The following NRXN3 variants were observed in gnomAD, a reference collection of about 807,000 sequenced individuals.
NRXN3 encodes the protein neurexin 3, also known as neurexin III.
NRXN3 carries 32 observed loss-of-function variants against 137.6 expected under a neutral mutation model. The observed-to-expected ratio is 0.23, with a 90% CI of 0.18 to 0.31. The LOEUF is 0.31. Among genes scored for constraint, NRXN3 ranks in the 10% least tolerant of loss-of-function variants. NRXN3 has a pLI of 1.00. For missense variants in NRXN3, 1,574 were observed against 2,062.5 expected (o/e 0.76, Z 4.59); for synonymous variants, 798 against 784.5 (o/e 1.02, Z -0.29).
At chr14:78,697,543 T>C (rs1428569418) in intron 6 of NRXN3, among the ~76,000 whole-genome samples, 1 of 151,954 alleles carries the variant, frequency 6.6e-6, no homozygotes, top group Admixed American at 6.6e-5. Flanking sequence ...TGATTTTGCA[T>C]GGCATAAGGG....
rs138165755 is a variant in NRXN3 at position 78,443,358 on chromosome 14, T to C, written c.757+145498T>C. On this transcript the variant is annotated intron_variant, in intron 4 of 20. Transcript: ENST00000335750. ...GAACCTCTGTGCTTGCATGTGGGCA[T>C]GTACACACATGCACTGTGCGCTCTG... is the stretch of plus-strand genomic sequence containing the variant. 3.0e-4 allele frequency among the ~76,000 whole-genome samples: 45 copies of C among 152,342 alleles called. No homozygotes were observed. In the East Asian group the frequency reaches 7.9e-3, roughly 27 times the overall value.
At position 78,735,183 on chromosome 14, in the gene NRXN3, C is replaced by G. The variant is rs571005914; in HGVS notation, c.2044+20044C>G. 1.1e-4 allele frequency among the ~76,000 whole-genome samples: 17 copies of G among 152,244 alleles called. No homozygotes were observed. In the East Asian group the frequency reaches 3.3e-3, roughly 29 times the overall value. The stretch of plus-strand genomic sequence containing the variant: ...TAGCACTTGAGATGTCAAAGAAAAA[C>G]AAATCAGGACTTAGTAAGAAGAGAT... On this transcript the variant is annotated intron_variant, in intron 8 of 20. Coordinates refer to ENST00000335750, the MANE Select transcript of NRXN3 (RefSeq NM_001330195.2).
At chr14:79,825,253 G>A (rs922610902) in intron 20 of NRXN3, among the ~76,000 whole-genome samples, 4 of 120,440 alleles carry the variant, frequency 3.3e-5, no homozygotes, top group African/African-American at 1.3e-4. Flanking sequence ...CAAATTATAT[G>A]TGGATTTTCT....
At chr14:78,487,766 A>C (rs2095588930) in intron 4 of NRXN3, among the ~76,000 whole-genome samples, 2 of 151,300 alleles carry the variant, frequency 1.3e-5, no homozygotes, top group Admixed American at 1.3e-4. Flanking sequence ...TAAATAAATA[A>C]ATAAATAAAT....
intron 10 of NRXN3, among the ~76,000 whole-genome samples, chr14:78,819,316 A>C (rs1325962712): frequency 1.3e-5 from 2 of 152,218 alleles, no homozygotes; most frequent in South Asian, 2.1e-4. Flanking sequence ...TGCAGATTCA[A>C]CTAACAAAAA....
At chr14:79,107,678 A>G (rs889527977) in intron 15 of NRXN3, among the ~76,000 whole-genome samples, 2 of 152,126 alleles carry the variant, frequency 1.3e-5, no homozygotes, top group African/African-American at 2.4e-5. Context: ...AACATTTGCC[A>G]GTGGTTCTTG....
At position 79,067,324 on chromosome 14, in the gene NRXN3, C is replaced by T. The variant is rs368957644; in HGVS notation, c.3262+79183C>T. On this transcript the variant is annotated intron_variant, in intron 15 of 20. Transcript: ENST00000335750. Reference sequence around the variant, plus strand: ...ATCCCAGTGATGAAGCCAACTTGATCGTGGTGGATAAGCTTTTTGATGTGC... The same window carrying T: ...ATCCCAGTGATGAAGCCAACTTGATTGTGGTGGATAAGCTTTTTGATGTGC... Among the ~76,000 whole-genome samples the T allele has an allele frequency of 3.4e-4, 51 of 152,208 alleles. No homozygotes were observed. The East Asian group carries it at 6.9e-3, about 21-fold the overall frequency.
At chr14:78,239,571 A>G (rs1372143947) in intron 1 of NRXN3, among the ~76,000 whole-genome samples, 1 of 151,820 alleles carries the variant, frequency 6.6e-6, no homozygotes, top group African/African-American at 2.4e-5. Context: ...AACAGCACCT[A>G]CCTCCTGCTG....
intron 4 of NRXN3, among the ~76,000 whole-genome samples, chr14:78,565,081 A>T (rs1361071150): frequency 6.6e-6 from 1 of 152,224 alleles, no homozygotes; most frequent in Non-Finnish European, 1.5e-5. Context: ...TGATAGGGAT[A>T]ACTGTGCCCT....
At chr14:79,552,753 T>C (rs1028431326) in intron 16 of NRXN3, among the ~76,000 whole-genome samples, 2 of 152,056 alleles carry the variant, frequency 1.3e-5, no homozygotes, top group African/African-American at 2.4e-5. Flanking sequence ...TGACAAGCTA[T>C]AGGAAAGTGA....
At chr14:78,206,461 G>A (rs1203499014) in intron 1 of NRXN3, among the ~76,000 whole-genome samples, 1 of 152,142 alleles carries the variant, frequency 6.6e-6, no homozygotes. Flanking sequence ...AGGGGGACCT[G>A]AGTGGGGAAG....
intron 19 of NRXN3, among the ~76,000 whole-genome samples, chr14:79,703,811 C>A (rs747164453): frequency 6.6e-6 from 1 of 152,072 alleles, no homozygotes; most frequent in Non-Finnish European, 1.5e-5. Context: ...GTACCTTTCC[C>A]GTAGGCTCCT....
chr14:78,614,800 C>G (rs1160379415), intron 4 of NRXN3: 1 of 354,754 alleles, frequency 2.8e-6, no homozygotes, highest in East Asian at 7.4e-5. Context: ...AAGGCACTCC[C>G]TACAGCAAAT....
intron 15 of NRXN3, among the ~76,000 whole-genome samples, chr14:79,139,812 A>T (rs1336251316): frequency 1.3e-5 from 2 of 151,924 alleles, no homozygotes; most frequent in Non-Finnish European, 2.9e-5. Context: ...ATTTCAAGTC[A>T]TAATCTGAAT....
chr14:78,234,779 A>G (rs886131094), intron 1 of NRXN3, among the ~76,000 whole-genome samples: 2 of 151,256 alleles, frequency 1.3e-5, no homozygotes, highest in Admixed American at 1.3e-4. Context: ...TATGTCTGGA[A>G]CATGGGTGCT....
intron 10 of NRXN3, among the ~76,000 whole-genome samples, chr14:78,911,120 C>G (rs778055049): frequency 6.6e-6 from 1 of 152,106 alleles, no homozygotes; most frequent in Admixed American, 6.6e-5. Flanking sequence ...ACATATGAAG[C>G]ACTTATAAAT....
At chr14:78,986,115 T>C (rs570341596) in intron 14 of NRXN3, among the ~76,000 whole-genome samples, 5 of 152,324 alleles carry the variant, frequency 3.3e-5, no homozygotes, top group African/African-American at 1.2e-4. Context: ...CTTTTGAACA[T>C]GCGTCTTTAG....
intron 15 of NRXN3, among the ~76,000 whole-genome samples, chr14:79,034,257 CT>C (rs1472532928): frequency 6.6e-6 from 1 of 151,530 alleles, no homozygotes; most frequent in African/African-American, 2.4e-5. Context: ...AAAATAGAAA[CT>C]TTTTAATAGT....
intron 16 of NRXN3, among the ~76,000 whole-genome samples, chr14:79,565,078 T>A (rs1444128153): frequency 6.6e-6 from 1 of 151,986 alleles, no homozygotes; most frequent in Non-Finnish European, 1.5e-5. Flanking sequence ...CCAAGCAGCA[T>A]CAGCTGTCAC....
Sources: gnomAD v4.1 joint callset for allele counts (sites outside exome capture counted in the v4.1 genomes callset) on GRCh38, gnomAD v4.1.1 for gene constraint, MANE v1.5 for transcripts, NCBI Gene and HGNC (gene_info 2026-07-23, HGNC 2026-07-21) for gene names.